Variants in TBCK observed in about 807,000 individuals in gnomAD.
TBCK encodes the protein TBC domain-containing protein kinase-like protein.
Under a neutral mutation model 113.4 loss-of-function variants are expected in TBCK, and 99 were observed. The ratio of observed to expected loss-of-function variants is 0.87; its 90% CI spans 0.74 to 1.03. The LOEUF (loss-of-function observed/expected upper bound fraction) is 1.03, where lower values mean the gene tolerates loss of function less well. Ranked by LOEUF, TBCK falls within the 50% of genes least tolerant of loss-of-function variation. The pLI, the probability that TBCK is intolerant of heterozygous loss-of-function variation, is 0.00. For missense variants in TBCK, 1,045 were observed against 1,061.3 expected, an observed-to-expected ratio of 0.98 and a Z score of 0.21; for synonymous variants, 369 against 370.8, an observed-to-expected ratio of 1.00 and a Z score of 0.05.
intron 23 of TBCK, among the ~76,000 whole-genome samples, chr4:106,121,335 AT>A: frequency 6.7e-6 from 1 of 149,396 alleles, no homozygotes; most frequent in Admixed American, 6.7e-5. Flanking sequence ...TATCCTAAAT[AT>A]ATATGCACCC....
intron 3 of TBCK, among the ~76,000 whole-genome samples, chr4:106,273,517 A>C (rs567439563): frequency 6.6e-6 from 1 of 152,240 alleles, no homozygotes; most frequent in Non-Finnish European, 1.5e-5. Flanking sequence ...GCACATCCTC[A>C]CCCCTGGCAC....
At chr4:106,154,266 A>G (rs1010770758) in intron 23 of TBCK, among the ~76,000 whole-genome samples, 1 of 152,144 alleles carries the variant, frequency 6.6e-6, no homozygotes, top group African/African-American at 2.4e-5. Flanking sequence ...TTCAAATAAT[A>G]TATTATAATC....
chr4:106,055,687 C>A (rs1186225807), intron 25 of TBCK, among the ~76,000 whole-genome samples: 1 of 151,472 alleles, frequency 6.6e-6, no homozygotes, highest in East Asian at 1.9e-4. Flanking sequence ...TAATCACTTG[C>A]ACTTATGCAA....
chr4:106,236,538 G>T lies in TBCK; in HGVS notation c.1221-19C>A. 2 of 1,428,802 alleles carry T rather than the reference G, an allele frequency of 1.4e-6. No homozygotes were observed. The highest frequency in any genetic ancestry group is 1.8e-6 in the Non-Finnish European group (2 of 1,090,932). The allele number at this position is 1,428,802 out of a possible 1,614,324, so 88.5% of individuals were successfully genotyped here. A position where few individuals can be genotyped will look rare whatever the true frequency, so the allele number is the denominator to read the frequency against. ...AGACTGGCTGTAAAAGAGAACAAAAGCAATAAAAAAAAAAAATGGACAAAA... is the reference window on the plus strand; with the variant it reads ...AGACTGGCTGTAAAAGAGAACAAAATCAATAAAAAAAAAAAATGGACAAAA... On this transcript the variant is annotated intron_variant, in intron 13 of 25. Coordinates refer to ENST00000394708, the MANE Select transcript of TBCK (RefSeq NM_001163435.3).
chr4:106,080,718 T>A (rs1738749288), intron 25 of TBCK, among the ~76,000 whole-genome samples: 1 of 151,948 alleles, frequency 6.6e-6, no homozygotes, highest in African/African-American at 2.4e-5. Flanking sequence ...TATTTAAATA[T>A]CATCAGAGTG....
intron 23 of TBCK, among the ~76,000 whole-genome samples, chr4:106,139,453 T>C (rs1457691682): frequency 7.1e-6 from 1 of 141,788 alleles, no homozygotes; most frequent in Non-Finnish European, 1.6e-5. Context: ...AAAGACTGTT[T>C]AACATTTTAA....
rs1759047452 is a variant in TBCK at position 106,233,067 on chromosome 4, G to A, written c.1513-3C>T. ...CAGCGAGGAATATCCACTTCAATCT[G>A]TTAAAATAGCAAAATAATAAGGTGA... On this transcript the variant is annotated splice_region_variant and splice_polypyrimidine_tract_variant and intron_variant, in intron 16 of 25. Transcript: ENST00000394708. The A allele has an allele frequency of 3.7e-6, 6 of 1,607,712 alleles. No homozygotes were observed. Among genetic ancestry groups the A allele is most frequent in the Non-Finnish European group, 4.3e-6 (5 of 1,176,144 alleles).
intron 25 of TBCK, among the ~76,000 whole-genome samples, chr4:106,073,509 G>A (rs991744576): frequency 6.6e-6 from 1 of 152,170 alleles, no homozygotes; most frequent in Non-Finnish European, 1.5e-5. Flanking sequence ...AGGGGCACCT[G>A]GGTGTATGAG....
chr4:106,131,129 G>C (rs1745866288), intron 23 of TBCK, among the ~76,000 whole-genome samples: 1 of 152,130 alleles, frequency 6.6e-6, no homozygotes, highest in Admixed American at 6.6e-5. Flanking sequence ...CACGAGATCT[G>C]ATGGGTTTGT....
intron 23 of TBCK, among the ~76,000 whole-genome samples, chr4:106,120,025 G>A (rs548258105): frequency 4.6e-5 from 7 of 152,270 alleles, no homozygotes; most frequent in Non-Finnish European, 7.4e-5. Context: ...CGCAGAAGAT[G>A]GGTGATTTCT....
chr4:106,310,880 C>T (rs907576142), intron 1 of TBCK, among the ~76,000 whole-genome samples: 3 of 151,958 alleles, frequency 2.0e-5, no homozygotes, highest in Non-Finnish European at 2.9e-5. Context: ...CTCTAACAAA[C>T]ATAGAGAGAT....
intron 19 of TBCK, among the ~76,000 whole-genome samples, chr4:106,216,450 C>G (rs1401939518): frequency 1.3e-5 from 2 of 151,780 alleles, no homozygotes; most frequent in African/African-American, 2.4e-5. Context: ...AAAGGATCAA[C>G]AAAATTGATA....
At chr4:106,299,327 T>C (rs1766669844) in intron 2 of TBCK, among the ~76,000 whole-genome samples, 1 of 152,226 alleles carries the variant, frequency 6.6e-6, no homozygotes, top group Non-Finnish European at 1.5e-5. Context: ...TCAGTATAAC[T>C]CAGTAGCACT....
intron 22 of TBCK, among the ~76,000 whole-genome samples, chr4:106,179,179 T>A (rs1317169546): frequency 6.6e-6 from 1 of 152,026 alleles, no homozygotes; most frequent in Non-Finnish European, 1.5e-5. Context: ...ATTTTGCTAA[T>A]CTTTTCAAAA....
intron 3 of TBCK, among the ~76,000 whole-genome samples, chr4:106,282,385 A>G (rs1764690741): frequency 6.7e-6 from 1 of 150,210 alleles, no homozygotes; most frequent in African/African-American, 2.4e-5. Flanking sequence ...CTATTATTTC[A>G]TTTGTTTCAA....
At chr4:106,150,366 G>A (rs763932040) in intron 23 of TBCK, among the ~76,000 whole-genome samples, 7 of 152,068 alleles carry the variant, frequency 4.6e-5, no homozygotes, top group Non-Finnish European at 7.4e-5. Context: ...AAAGATATGA[G>A]TTGTGAGAAC....
Position 106,171,167 on chromosome 4 carries a change from A to C in TBCK, c.2163T>G (p.Ser721=). 6.2e-7 allele frequency: 1 copy of C among 1,612,968 alleles called. No homozygotes were observed. The highest frequency in any genetic ancestry group is 8.5e-7 in the Non-Finnish European group (1 of 1,179,438). ...RQHAQPPKPS[S]DSSGGRSSAP... is the part of the protein sequence containing the mutation. ...CCGAACTTCTGCCTCCACTGCTGTC[A>C]GAAGATGGCTTTGGAGGTTGAGCAT... The change falls in exon 23 of 26, where the codon TCT becomes TCG. Residue 721 remains serine, a synonymous_variant. Transcript: ENST00000394708.
intron 19 of TBCK, among the ~76,000 whole-genome samples, chr4:106,213,186 TC>T (rs1756371501): frequency 6.6e-6 from 1 of 152,190 alleles, no homozygotes; most frequent in Non-Finnish European, 1.5e-5. Flanking sequence ...GTGTAGCAGA[TC>T]CTTAAATGAA....
chr4:106,199,628 A>T (rs1754655557), intron 20 of TBCK, among the ~76,000 whole-genome samples: 1 of 151,960 alleles, frequency 6.6e-6, no homozygotes, highest in African/African-American at 2.4e-5. Flanking sequence ...CAAAATCTAT[A>T]CCTCCAAGTA....
Sources: allele counts gnomAD v4.1 joint callset (sites outside exome capture counted in the v4.1 genomes callset), GRCh38; gene constraint gnomAD v4.1.1; transcripts MANE v1.5; gene names NCBI Gene and HGNC (gene_info 2026-07-23, HGNC 2026-07-21).